HAUS3: variants seen among roughly 807,000 people sequenced by gnomAD.
HAUS3 encodes the protein HAUS augmin like complex subunit 3, also known as HAUS augmin-like complex subunit 3.
HAUS3 carries 36 observed loss-of-function variants against 55.2 expected under a neutral mutation model. The ratio of observed to expected loss-of-function variants is 0.65; its 90% CI spans 0.50 to 0.86. The LOEUF is 0.86. HAUS3 is among the 40% of genes least tolerant of loss of function. The pLI, the probability that HAUS3 is intolerant of heterozygous loss-of-function variation, is 0.00. For synonymous variants in HAUS3, 234 were observed against 238.6 expected (o/e 0.98, Z 0.18); for missense variants, 752 against 671.5 (o/e 1.12, Z -1.33).
intron 5 of HAUS3, among the ~76,000 whole-genome samples, chr4:2,234,065 A>G (rs1337020447): frequency 2.6e-5 from 4 of 152,174 alleles, no homozygotes; most frequent in African/African-American, 9.6e-5. Context: ...AAGAAAAAAA[A>G]GAAGACTATC....
At chr4:2,241,227 T>C in intron 2 of HAUS3, 134 bp from the exon 3 acceptor site, 1 of 329,964 alleles carries the variant, frequency 3.0e-6, no homozygotes. Context: ...TGTTTGATGA[T>C]GATAAAGAGA....
chr4:2,238,635 T>C lies in HAUS3; in HGVS notation c.1318A>G (p.Thr440Ala), dbSNP rs1002588128. The change falls in exon 4 of 6, where the codon ACC (threonine) becomes GCC (alanine). Residue 440 changes from threonine (T) to alanine (A), a missense_variant. By Grantham distance (58) the Thr-to-Ala change is moderately conservative (BLOSUM62 0). Coordinates refer to ENST00000443786, the MANE Select transcript of HAUS3 (RefSeq NM_001303143.2). ...SVSQQINPRN[T>A]IDTKDYSTHR... ...GTAGAATAATCCTTAGTATCAATGG[T>C]ATTCCTTGGATTTATCTGTTGAGAA... The C allele has an allele frequency of 1.6e-5, 26 of 1,607,192 alleles. No individual in the cohort carries two copies. Among genetic ancestry groups the C allele is most frequent in the Non-Finnish European group, 2.2e-5 (26 of 1,174,622 alleles).
chr4:2,234,080 T>C (rs946561004), intron 5 of HAUS3, among the ~76,000 whole-genome samples: 4 of 152,090 alleles, frequency 2.6e-5, no homozygotes, highest in Non-Finnish European at 5.9e-5. Context: ...ACTATCAAAA[T>C]ACCCAGTAAC....
At chr4:2,236,987 AACT>A (rs1436744922) in intron 4 of HAUS3, among the ~76,000 whole-genome samples, 2 of 151,808 alleles carry the variant, frequency 1.3e-5, no homozygotes, top group Non-Finnish European at 2.9e-5. Context: ...TATATATTCT[AACT>A]ACTACATTAG....
In HAUS3 at chr4:2,240,437, A is replaced by G; in HGVS notation, c.510T>C (p.Thr170=). ...ACATCATCAATTGTGTAACTTCATC[A>G]GTAAGAGCCTGAAGTTCATTACTGA... The part of the protein sequence containing the change: ...TKISNELQAL[T]DEVTQLMMFF... Residue 170 remains threonine (T), a synonymous_variant, in exon 3 of 6, where the codon ACT becomes ACC. Transcript: ENST00000443786. The G allele has an allele frequency of 6.2e-7, 1 of 1,613,908 alleles. No individual in the cohort carries two copies. Among genetic ancestry groups the G allele is most frequent in the Non-Finnish European group, 8.5e-7 (1 of 1,179,920 alleles).
rs772835179 is a variant in HAUS3 at position 2,231,994 on chromosome 4, T to A, written c.1745A>T (p.Tyr582Phe). 6.7e-7 allele frequency: 1 copy of A among 1,498,328 alleles called. No homozygotes were observed. Among genetic ancestry groups the A allele is most frequent in the South Asian group, 1.2e-5 (1 of 85,380 alleles). 92.8% of individuals were successfully genotyped at this position (1,498,328 alleles called of 1,614,324 possible). The change falls in exon 6 of 6, where the codon TAT becomes TTT. Residue 582 changes from tyrosine to phenylalanine, a missense_variant. Physicochemically the swap from Tyr to Phe is conservative, Grantham distance 22. Coordinates refer to ENST00000443786, the MANE Select transcript of HAUS3 (RefSeq NM_001303143.2). ...TAAATTCTCCACAATATCTTTCAGA[T>A]AATCTTCATCTTTTAAAAAATATAC... ...FYVYFLKDED[Y>F]LKDIVENLET...
chr4:2,238,076 T>C (rs1734831677), intron 4 of HAUS3, among the ~76,000 whole-genome samples: 1 of 152,180 alleles, frequency 6.6e-6, no homozygotes, highest in Admixed American at 6.5e-5. Context: ...AGGAGACAGA[T>C]TTTTGAGGTC....
At chr4:2,234,476 G>C (rs1334762316) in intron 5 of HAUS3, 3 of 153,562 alleles carry the variant, frequency 2.0e-5, no homozygotes, top group Non-Finnish European at 4.4e-5. Context: ...CTGGGACAAA[G>C]GCACGTTTCC....
In HAUS3 at chr4:2,239,986, C is replaced by T. The variant is rs537694693; in HGVS notation, c.909+52G>A. On this transcript the variant is annotated intron_variant, in intron 3 of 5. Coordinates refer to ENST00000443786, the MANE Select transcript of HAUS3 (RefSeq NM_001303143.2). ...TACTTTAACAGCAATATTATCTCCT[C>T]TATTCCTAACAATAATTACAATGTG... 80 of 1,388,166 alleles carry T rather than the reference C, an allele frequency of 5.8e-5. No individual in the cohort carries two copies. In the African/African-American group the frequency reaches 9.7e-4, roughly 17 times the overall value. The allele number at this position is 1,388,166 out of a possible 1,614,324, so 86.0% of individuals were successfully genotyped here.
Position 2,240,136 on chromosome 4 carries a change from A to T in HAUS3, c.811T>A (p.Cys271Ser). Reference sequence around the variant, plus strand: ...AAGTGAATTAACTGATGTTGAGCACAAATGTATGCGAGCTGCAGTCTAGCC... The same window carrying T: ...AAGTGAATTAACTGATGTTGAGCACTAATGTATGCGAGCTGCAGTCTAGCC... ...EMARLQLAYI[C>S]AQHQLIHLKA... Residue 271 changes from cysteine (C) to serine (S), a missense_variant, in exon 3 of 6, where the codon TGT (cysteine) becomes AGT (serine). By Grantham distance (112) the Cys-to-Ser change is moderately radical. Coordinates refer to ENST00000443786, the MANE Select transcript of HAUS3 (RefSeq NM_001303143.2). The T allele has an allele frequency of 1.2e-6, 2 of 1,611,282 alleles. No individual in the cohort carries two copies.
chr4:2,229,364 A>G lies in HAUS3; in HGVS notation c.*2563T>C. 3 of 842,478 alleles carry G rather than the reference A, an allele frequency of 3.6e-6. No homozygotes were observed. The highest frequency in any genetic ancestry group is 3.1e-5 in the East Asian group (1 of 32,784). 52.2% of individuals were successfully genotyped at this position (842,478 alleles called of 1,614,324 possible). Reference sequence around the variant, plus strand: ...TTCATTTAAAATGTCTATATTCATAACCACAGAAAATAGGCATCAATCATC... The same window carrying G: ...TTCATTTAAAATGTCTATATTCATAGCCACAGAAAATAGGCATCAATCATC... On this transcript the variant is annotated 3_prime_UTR_variant, in exon 6 of 6. Transcript: ENST00000443786.
At chr4:2,239,533 A>T (rs1734894499) in intron 3 of HAUS3, among the ~76,000 whole-genome samples, 1 of 152,210 alleles carries the variant, frequency 6.6e-6, no homozygotes, top group Non-Finnish European at 1.5e-5. Flanking sequence ...AGTATCTAGC[A>T]GTTATATTAC....
rs1373782812 is a variant in HAUS3 at position 2,240,601 on chromosome 4, T to G, written c.346A>C (p.Lys116Gln). The part of the protein sequence containing the change: ...VQTLLKLKNL[K>Q]IQRRNKCQLM... The stretch of plus-strand genomic sequence containing the variant: ...TGACATTTATTACGTCGCTGAATTT[T>G]TAGGTTCTTTAATTTCAGTAGAGTT... Residue 116 changes from lysine to glutamine, a missense_variant, in exon 3 of 6, where the codon AAA becomes CAA. By Grantham distance (53) the Lys-to-Gln change is moderately conservative. Coordinates refer to ENST00000443786, the MANE Select transcript of HAUS3 (RefSeq NM_001303143.2). The G allele has an allele frequency of 1.9e-6, 3 of 1,613,028 alleles. No homozygotes were observed. In the African/African-American group the frequency reaches 4.0e-5, roughly 22 times the overall value.
chr4:2,231,767 T>G lies in HAUS3; in HGVS notation c.*160A>C, dbSNP rs1734586191. 3 of 512,362 alleles carry G rather than the reference T, an allele frequency of 5.9e-6. No homozygotes were observed. The highest frequency in any genetic ancestry group is 1.0e-5 in the Non-Finnish European group (3 of 288,456). 31.7% of individuals were successfully genotyped at this position (512,362 alleles called of 1,614,324 possible). Reference sequence around the variant, plus strand: ...TCATAAAAAGCACTGGTATTCTGAATGTACTACATGAGAAAAAAGACAAAT... The same window carrying G: ...TCATAAAAAGCACTGGTATTCTGAAGGTACTACATGAGAAAAAAGACAAAT... On this transcript the variant is annotated 3_prime_UTR_variant, in exon 6 of 6. Coordinates refer to ENST00000443786, the MANE Select transcript of HAUS3 (RefSeq NM_001303143.2).
intron 2 of HAUS3, 67 bp downstream of exon 2, chr4:2,241,453 T>G: frequency 2.0e-6 from 2 of 976,800 alleles, no homozygotes; most frequent in Non-Finnish European, 2.4e-6. Flanking sequence ...CTCTCTTCCC[T>G]GCCCTCCGTA....
chr4:2,236,536 G>A, intron 4 of HAUS3, 80 bp from the exon 5 acceptor site: 2 of 930,172 alleles, frequency 2.2e-6, no homozygotes, highest in Non-Finnish European at 3.4e-6. Flanking sequence ...CTGTATTGGG[G>A]CATTTGTGGG....
chr4:2,236,401 C>T lies in HAUS3; in HGVS notation c.1405G>A (p.Gly469Arg). 1 of 1,613,758 alleles carries T rather than the reference C, an allele frequency of 6.2e-7. No homozygotes were observed. Among genetic ancestry groups the T allele is most frequent in the African/African-American group, 1.3e-5 (1 of 75,024 alleles). The part of the protein sequence containing the change: ...NKKKELFLTH[G>R]NLEEVAEKLK... ...TTCTCAGCCACTTCCTCAAGGTTTC[C>T]ATGAGTTAGAAACAATTCTTTTTTC... is the stretch of plus-strand genomic sequence containing the variant. Residue 469 changes from glycine to arginine, a missense_variant, in exon 5 of 6, where the codon GGA (glycine) becomes AGA (arginine). Transcript: ENST00000443786.
chr4:2,238,574 T>C (rs779500621), intron 4 of HAUS3, 30 bp downstream of exon 4: 2 of 1,387,630 alleles, frequency 1.4e-6, no homozygotes, highest in Non-Finnish European at 1.9e-6. Flanking sequence ...AAAGGAAATA[T>C]TTACTAAAGA....
At chr4:2,233,954 C>T (rs60945752) in intron 5 of HAUS3, among the ~76,000 whole-genome samples, 11,604 of 152,072 alleles carry the variant, frequency 0.076, 698 homozygotes, top group East Asian at 0.34. Flanking sequence ...GCACAAAAAA[C>T]CCCAATGACC....
Sources: allele counts gnomAD v4.1 joint callset (sites outside exome capture counted in the v4.1 genomes callset), GRCh38; gene constraint gnomAD v4.1.1; transcripts MANE v1.5; gene names NCBI Gene and HGNC (gene_info 2026-07-23, HGNC 2026-07-21).